The following RIMBP2 variants were observed in gnomAD, a reference collection of about 807,000 sequenced individuals.
RIMBP2 encodes RIMS binding protein 2, also known as RIMS-binding protein 2.
In RIMBP2, 48 loss-of-function variants were observed where a neutral mutation model predicts 118.6. That is an observed-to-expected ratio of 0.40 (90% CI 0.32 to 0.51). The LOEUF is 0.51. Among genes scored for constraint, RIMBP2 ranks in the 20% least tolerant of loss-of-function variants. The pLI is 0.41. For missense variants in RIMBP2, 1,551 were observed against 1,768.3 expected, an observed-to-expected ratio of 0.88 and a Z score of 2.20; for synonymous variants, 762 against 742.9, an observed-to-expected ratio of 1.03 and a Z score of -0.42.
intron 2 of RIMBP2, among the ~76,000 whole-genome samples, chr12:130,552,923 C>A (rs2080176403): frequency 1.3e-5 from 2 of 152,058 alleles, no homozygotes; most frequent in Admixed American, 1.3e-4. Flanking sequence ...GAGGCCGAGG[C>A]AGGCGGATCA....
chr12:130,402,877 C>G (rs2074773712), intron 21 of RIMBP2, among the ~76,000 whole-genome samples: 1 of 152,142 alleles, frequency 6.6e-6, no homozygotes, highest in Non-Finnish European at 1.5e-5. Context: ...TTTCAGATAC[C>G]GAGATGCTGG....
Position 130,441,817 on chromosome 12 carries a change from T to C in RIMBP2, c.1504+31A>G, listed in dbSNP as rs577663743. 3 of 1,596,384 alleles carry C rather than the reference T, an allele frequency of 1.9e-6. No individual in the cohort carries two copies. In the South Asian group the frequency reaches 3.4e-5, roughly 18 times the overall value. On this transcript the variant is annotated intron_variant, in intron 11 of 22. Transcript: ENST00000690449. ...GGGTGACATCCTGGCGTTCTCTCCC[T>C]GGGGGACCCACGGAAGGACACAGGG...
At chr12:130,503,244 A>T (rs2049970960) in intron 4 of RIMBP2, among the ~76,000 whole-genome samples, 1 of 151,374 alleles carries the variant, frequency 6.6e-6, no homozygotes, top group African/African-American at 2.4e-5. Context: ...AAAAAAAAAA[A>T]TATTATCCGG....
rs573749390 is a variant in RIMBP2, at chr12:130,621,267, G to A, written c.-217+7055C>T. 2.6e-5 allele frequency among the ~76,000 whole-genome samples: 4 copies of A among 152,134 alleles called. No individual in the cohort carries two copies. Among genetic ancestry groups the A allele is most frequent in the Admixed American group, 6.5e-5 (1 of 15,272 alleles). ...CCCATGAGAGAAAAGCAGGGGGCAC[G>A]TGCCATGGTCGTACACAGCCCTGCT... is the stretch of plus-strand genomic sequence containing the variant. On this transcript the variant is annotated intron_variant, in intron 2 of 22. Coordinates refer to ENST00000690449, the MANE Select transcript of RIMBP2 (RefSeq NM_001393629.1). The surrounding 1 kb of genome is among the most constrained non-coding windows in gnomAD (Gnocchi z 6.6).
intron 5 of RIMBP2, among the ~76,000 whole-genome samples, chr12:130,478,322 T>C (rs963374152): frequency 2.0e-5 from 3 of 152,184 alleles, no homozygotes; most frequent in Admixed American, 1.3e-4. Flanking sequence ...TGATAACACA[T>C]CATGCAACAG....
At chr12:130,486,252 C>T (rs550683943) in intron 4 of RIMBP2, among the ~76,000 whole-genome samples, 2 of 152,286 alleles carry the variant, frequency 1.3e-5, no homozygotes, top group East Asian at 3.9e-4. Context: ...CAGCACCCGA[C>T]ACCAGGGCTG....
At chr12:130,674,904 G>T (rs542982778) in intron 1 of RIMBP2, among the ~76,000 whole-genome samples, 1 of 152,148 alleles carries the variant, frequency 6.6e-6, no homozygotes, top group African/African-American at 2.4e-5. Context: ...CAGCGTGTCC[G>T]CAAGGTTCAT....
chr12:130,401,953 T>C (rs2074631158), intron 21 of RIMBP2, among the ~76,000 whole-genome samples: 2 of 152,164 alleles, frequency 1.3e-5, no homozygotes, highest in Admixed American at 1.3e-4. Context: ...TACCCCAGCC[T>C]GCAGAGGCTC....
At chr12:130,456,807 CG>C in intron 6 of RIMBP2, 107 bp from the exon 7 acceptor site, 1 of 776,476 alleles carries the variant, frequency 1.3e-6, no homozygotes, top group Non-Finnish European at 2.1e-6. Context: ...ACTGTGTGCA[CG>C]TGTGTACACA....
chr12:130,597,163 T>C (rs1476177230), intron 2 of RIMBP2, among the ~76,000 whole-genome samples: 1 of 152,194 alleles, frequency 6.6e-6, no homozygotes, highest in Non-Finnish European at 1.5e-5. Context: ...CTATGACTCA[T>C]AAACAAAAAA....
chr12:130,587,830 A>T (rs1481420659), intron 2 of RIMBP2, among the ~76,000 whole-genome samples: 11 of 61,376 alleles, frequency 1.8e-4, no homozygotes, highest in African/African-American at 7.1e-4. Context: ...AAAGTATAAT[A>T]AAAAAAAAAA....
intron 1 of RIMBP2, among the ~76,000 whole-genome samples, chr12:130,642,623 T>A (rs2062674696): frequency 1.3e-5 from 2 of 152,210 alleles, no homozygotes; most frequent in Admixed American, 6.5e-5. Context: ...CGACTAGGAA[T>A]AATAACCTTT....
chr12:130,473,336 C>T (rs1342030978), intron 5 of RIMBP2, among the ~76,000 whole-genome samples: 1 of 152,222 alleles, frequency 6.6e-6, no homozygotes, highest in African/African-American at 2.4e-5. Flanking sequence ...ACTGGAGCTC[C>T]CGACGCTGGA....
intron 2 of RIMBP2, among the ~76,000 whole-genome samples, chr12:130,624,609 T>C (rs1366302970): frequency 1.3e-5 from 2 of 152,272 alleles, no homozygotes; most frequent in Non-Finnish European, 2.9e-5. Context: ...TTTTACTTTA[T>C]ACATCTCTGT....
At chr12:130,701,090 AG>A (rs1176894636) in intron 1 of RIMBP2, among the ~76,000 whole-genome samples, 4 of 152,224 alleles carry the variant, frequency 2.6e-5, no homozygotes, top group African/African-American at 9.6e-5. Flanking sequence ...CACAAATACA[AG>A]GTTTCCGTGT....
chr12:130,616,594 C>T (rs551647731), intron 2 of RIMBP2, among the ~76,000 whole-genome samples: 27 of 152,268 alleles, frequency 1.8e-4, no homozygotes, highest in South Asian at 8.3e-4. Context: ...GTCTACTGGG[C>T]GCCCAAATGT....
intron 4 of RIMBP2, among the ~76,000 whole-genome samples, chr12:130,496,519 C>G (rs113277923): frequency 3.9e-5 from 6 of 152,202 alleles, no homozygotes; most frequent in African/African-American, 1.2e-4. Flanking sequence ...GAGGAGGCTG[C>G]GAGGGGTGAG....
chr12:130,667,494 A>T (rs1264615451), intron 1 of RIMBP2: 2 of 152,356 alleles, frequency 1.3e-5, no homozygotes, highest in Non-Finnish European at 2.9e-5. Flanking sequence ...ATGAAGCGGC[A>T]TGGGAGGAGA....
rs1179919314 is a variant in RIMBP2, at chr12:130,670,489, A to G, written c.-351-42033T>C. ...GCCTTGGTATGTGCAGCTCCCTCCA[A>G]CTGAGGCACCCTTCCCCCAGGGGTT... On this transcript the variant is annotated intron_variant, in intron 1 of 22. Transcript: ENST00000690449. The surrounding 1 kb of genome is among the most constrained non-coding windows in gnomAD (Gnocchi z 4.9). Among the ~76,000 whole-genome samples the G allele has an allele frequency of 1.3e-5, 2 of 152,106 alleles. No homozygotes were observed. The highest frequency in any genetic ancestry group is 1.9e-4 in the East Asian group (1 of 5,170).
Sources: gnomAD v4.1 joint callset for allele counts (sites outside exome capture counted in the v4.1 genomes callset) on GRCh38, gnomAD v4.1.1 for gene constraint, Gnocchi (gnomAD v3.1) non-coding constraint, MANE v1.5 for transcripts, NCBI Gene and HGNC (gene_info 2026-07-23, HGNC 2026-07-21) for gene names.